The following MYH14 variants were observed in gnomAD, a reference collection of about 807,000 sequenced individuals.
MYH14 encodes myosin-14.
A neutral mutation model predicts 255.5 loss-of-function variants in MYH14; 123 were observed. The ratio of observed to expected loss-of-function variants is 0.48; its 90% CI spans 0.42 to 0.56. MYH14 has a LOEUF of 0.56. MYH14 is among the 20% of genes least tolerant of loss of function. The probability of loss-of-function intolerance (pLI) is 0.00; values close to 1 mark genes in which losing one functional copy is unlikely to be tolerated. For missense variants in MYH14, 2,423 were observed against 2,802.3 expected, an observed-to-expected ratio of 0.86 and a Z score of 3.06; for synonymous variants, 1,095 against 1,161.2, an observed-to-expected ratio of 0.94 and a Z score of 1.16.
chr19:50,236,581 GCCTGTAAT>G (rs1467501488), intron 10 of MYH14, among the ~76,000 whole-genome samples: 1 of 151,874 alleles, frequency 6.6e-6, no homozygotes, highest in African/African-American at 2.4e-5. Context: ...GGTGGCACAT[GCCTGTAAT>G]CCCAGCTACT....
At chr19:50,205,856 G>T (rs1033846944) in intron 1 of MYH14, among the ~76,000 whole-genome samples, 9 of 152,256 alleles carry the variant, frequency 5.9e-5, no homozygotes, top group African/African-American at 2.2e-4. Context: ...AGGGCATTGA[G>T]TACTGGGACT....
At chr19:50,226,847 GT>G in intron 7 of MYH14, 55 bp from the exon 8 acceptor site, 1 of 1,560,618 alleles carries the variant, frequency 6.4e-7, no homozygotes, top group Non-Finnish European at 8.8e-7. Context: ...TGTTGTTCAC[GT>G]GTGAGTGGGG....
At chr19:50,241,157 C>T (rs1012657282) in intron 10 of MYH14, among the ~76,000 whole-genome samples, 13 of 152,196 alleles carry the variant, frequency 8.5e-5, no homozygotes, top group Non-Finnish European at 1.6e-4. Flanking sequence ...TCAGATGCAG[C>T]CAGGCTTGGT....
At chr19:50,308,963 C>A (rs772650421) in intron 41 of MYH14, 42 bp from the exon 42 acceptor site, 7 of 1,540,510 alleles carry the variant, frequency 4.5e-6, no homozygotes, top group Non-Finnish European at 6.1e-6. Flanking sequence ...GGAGTGATGA[C>A]AGTACCTGGA....
chr19:50,275,624 C>T (rs953745714), intron 27 of MYH14, among the ~76,000 whole-genome samples: 8 of 152,042 alleles, frequency 5.3e-5, no homozygotes, highest in African/African-American at 1.9e-4. Context: ...GCCAGGAGTT[C>T]GAGACCAGCC....
At position 50,259,259 on chromosome 19, in the gene MYH14, G is replaced by A. The variant is rs768787467; in HGVS notation, c.2348G>A (p.Arg783Gln). ...AACCGCATCCTCTTCCAGGAGTTCC[G>A]GCAGCGGTGAGCTAGAGCGAGGGCC... is the stretch of plus-strand genomic sequence containing the variant. ...FPNRILFQEF[R>Q]QRYEILTPNA... The change falls in exon 19 of 43, where the codon CGG becomes CAG. Residue 783 changes from arginine (R) to glutamine (Q), a missense_variant. Arg to Gln is a conservative substitution (Grantham distance 43). Transcript: ENST00000642316. The A allele has an allele frequency of 2.5e-6, 4 of 1,578,446 alleles. No homozygotes were observed. Among genetic ancestry groups the A allele is most frequent in the Non-Finnish European group, 3.4e-6 (4 of 1,161,526 alleles).
At chr19:50,232,193 G>A (rs1043213333) in intron 10 of MYH14, 123 bp downstream of exon 10, 31 of 1,245,996 alleles carry the variant, frequency 2.5e-5, no homozygotes, top group Middle Eastern at 2.1e-4. Flanking sequence ...TGCAGGCACC[G>A]GGGCCAGAGC....
Position 50,271,979 on chromosome 19 carries a change from T to TCCCGC in MYH14, c.3295+10_3295+14dup. On this transcript the variant is annotated splice_region_variant and intron_variant, in intron 26 of 42. Transcript: ENST00000642316. ...ACAATCGCAGACATGGAGGGTGAGC[T>TCCCGC]CCCGCCCAGCCAGTAGGGGTCTGTG... 1 of 1,606,222 alleles carries TCCCGC rather than the reference T, an allele frequency of 6.2e-7. No homozygotes were observed. Among genetic ancestry groups the TCCCGC allele is most frequent in the Non-Finnish European group, 8.5e-7 (1 of 1,176,772 alleles).
rs2123457271 is a variant in MYH14 at position 50,293,410 on chromosome 19, G to A, written c.5345+89G>A. On this transcript the variant is annotated intron_variant, in intron 38 of 42. Coordinates refer to ENST00000642316, the MANE Select transcript of MYH14 (RefSeq NM_001145809.2). The surrounding 1 kb of genome is among the most constrained non-coding windows in gnomAD (Gnocchi z 4.1). ...CTGGAGGTGGCTGGGCTCTGGGACA[G>A]GAAACTGGGAGGTGGGCGGGGTTAA... 3 of 1,518,330 alleles carry A rather than the reference G, an allele frequency of 2.0e-6. No individual in the cohort carries two copies. The highest frequency in any genetic ancestry group is 2.7e-6 in the Non-Finnish European group (3 of 1,114,636). 94.1% of individuals were successfully genotyped at this position (1,518,330 alleles called of 1,614,324 possible). A position where few individuals can be genotyped will look rare whatever the true frequency, so the allele number is the denominator to read the frequency against.
intron 14 of MYH14, 35 bp downstream of exon 14, chr19:50,249,858 G>A: frequency 6.2e-7 from 1 of 1,611,064 alleles, no homozygotes; most frequent in Non-Finnish European, 8.5e-7. Context: ...CACACTCACG[G>A]TTCAGATCCG....
rs544187563 is a variant in MYH14, at chr19:50,260,148, T to C, written c.2355-498T>C. ...ATCCAAAATACTGGCCAATACTGGC[T>C]GGGCACTGTGGCTCATGCCTGTAAC... On this transcript the variant is annotated intron_variant, in intron 19 of 42. Transcript: ENST00000642316. Among the ~76,000 whole-genome samples, 317 of 151,920 alleles carry C rather than the reference T, an allele frequency of 2.1e-3. 1 individual carries two copies. The highest frequency in any genetic ancestry group is 3.4e-3 in the Non-Finnish European group (229 of 67,916).
In MYH14 at chr19:50,210,770, C is replaced by T. The variant is rs1356321548; in HGVS notation, c.405C>T (p.Tyr135=). The change falls in exon 2 of 43, where the codon TAC becomes TAT. Residue 135 remains tyrosine (Y), a splice_region_variant and synonymous_variant. Transcript: ENST00000642316. ...AGCGGTACTACTCCGGCCTCATCTA[C>T]GTGAGTGGGCTCCTGCTGGGGGGCG... ...LRERYYSGLI[Y]TYSGLFCVVI... 11 of 1,564,730 alleles carry T rather than the reference C, an allele frequency of 7.0e-6. No homozygotes were observed. The highest frequency in any genetic ancestry group is 2.7e-5 in the African/African-American group (2 of 73,016).
intron 11 of MYH14, 54 bp from the exon 12 acceptor site, chr19:50,246,950 G>A: frequency 7.7e-7 from 1 of 1,305,496 alleles, no homozygotes; most frequent in Non-Finnish European, 1.1e-6. Flanking sequence ...CCCTTGCTGG[G>A]CAGCAAGCAC....
rs751334504 is a variant in MYH14, at chr19:50,272,603, G to A, written c.3339G>A (p.Lys1113=). ...AGAAGGGTCGCCAGGAGCTGGAGAA[G>A]CTGAAGCGGAGGCTGGATGGGGAGA... ...KEEKGRQELE[K]LKRRLDGESS... The change falls in exon 27 of 43, where the codon AAG becomes AAA. Residue 1113 remains lysine, a synonymous_variant. Transcript: ENST00000642316. 1.3e-5 allele frequency: 21 copies of A among 1,581,678 alleles called. No homozygotes were observed. Among genetic ancestry groups the A allele is most frequent in the Non-Finnish European group, 1.7e-5 (20 of 1,164,948 alleles).
chr19:50,281,910 AG>A, intron 33 of MYH14, 68 bp downstream of exon 33: 1 of 1,532,548 alleles, frequency 6.5e-7, no homozygotes, highest in South Asian at 1.2e-5. Context: ...GGTCGTTGTG[AG>A]GAACCAGTAA....
intron 10 of MYH14, among the ~76,000 whole-genome samples, chr19:50,233,407 T>C (rs896346892): frequency 6.6e-6 from 1 of 152,090 alleles, no homozygotes; most frequent in Admixed American, 6.6e-5. Context: ...TGACATCAGG[T>C]GATCCACCCT....
chr19:50,224,040 C>A, intron 5 of MYH14, 114 bp from the exon 6 acceptor site: 2 of 534,758 alleles, frequency 3.7e-6, no homozygotes, highest in Admixed American at 2.4e-5. Flanking sequence ...TTTCCCCAGT[C>A]CCCCTTCCCC....
In MYH14 at chr19:50,277,117, C is replaced by G. The variant is rs909543423; in HGVS notation, c.3825+216C>G. Among the ~76,000 whole-genome samples the G allele has an allele frequency of 2.6e-5, 4 of 152,304 alleles. 1 individual carries two copies. The highest frequency in any genetic ancestry group is 3.9e-4 in the East Asian group (2 of 5,188). On this transcript the variant is annotated intron_variant, in intron 29 of 42. Coordinates refer to ENST00000642316, the MANE Select transcript of MYH14 (RefSeq NM_001145809.2). Reference sequence around the variant, plus strand: ...GGGAACCAGCCATGAACCCAACAACCAGCACTGCCTTCCCTTGTGGAGCTT... The same window carrying G: ...GGGAACCAGCCATGAACCCAACAACGAGCACTGCCTTCCCTTGTGGAGCTT...
At chr19:50,292,986 C>A (rs556110898) in intron 37 of MYH14, among the ~76,000 whole-genome samples, 1 of 151,716 alleles carries the variant, frequency 6.6e-6, no homozygotes, top group African/African-American at 2.4e-5. Flanking sequence ...GAGAGGAGGA[C>A]CTGTGTGCAG....
Sources: allele counts gnomAD v4.1 joint callset (sites outside exome capture counted in the v4.1 genomes callset), GRCh38; gene constraint gnomAD v4.1.1; non-coding constraint Gnocchi (gnomAD v3.1); transcripts MANE v1.5; gene names NCBI Gene and HGNC (gene_info 2026-07-23, HGNC 2026-07-21).